Variants in UBXN11 observed in about 807,000 individuals in gnomAD.
The protein encoded by UBXN11 is UBX domain-containing protein 11.
Under a neutral mutation model 62.8 loss-of-function variants are expected in UBXN11, and 47 were observed. That is an observed-to-expected ratio of 0.75 (90% CI 0.59 to 0.95). The LOEUF (loss-of-function observed/expected upper bound fraction) is 0.95. Among genes scored for constraint, UBXN11 ranks in the 40% least tolerant of loss-of-function variants. The pLI is 0.00. For missense variants in UBXN11, 638 were observed against 661.7 expected, an observed-to-expected ratio of 0.96 and a Z score of 0.39; for synonymous variants, 294 against 267.0, an observed-to-expected ratio of 1.10 and a Z score of -0.99.
intron 3 of UBXN11, 139 bp downstream of exon 3, chr1:26,301,555 G>T: frequency 8.2e-7 from 1 of 1,214,562 alleles, no homozygotes; most frequent in Non-Finnish European, 1.1e-6. Context: ...AGGACAGCAT[G>T]GGAGCTGCAC....
At chr1:26,302,749 C>T (rs2073569589) in intron 2 of UBXN11, 64 bp downstream of exon 2, 1 of 1,547,794 alleles carries the variant, frequency 6.5e-7, no homozygotes, top group Non-Finnish European at 8.9e-7. Context: ...TGTCCTCTGG[C>T]CATGGAAGGA....
chr1:26,310,435 G>A (rs1343551588), upstream of UBXN11, among the ~76,000 whole-genome samples: 2 of 151,974 alleles, frequency 1.3e-5, no homozygotes, highest in Non-Finnish European at 2.9e-5. Flanking sequence ...CTACTTTGGA[G>A]GCTAAAGCAG....
At chr1:26,315,077 T>C (rs1261542959) in intron 1 of UBXN11, among the ~76,000 whole-genome samples, 2 of 151,896 alleles carry the variant, frequency 1.3e-5, no homozygotes, top group Non-Finnish European at 2.9e-5. Flanking sequence ...GGCAAGAACC[T>C]GACTCGAGGG....
intron 10 of UBXN11, 108 bp from the exon 11 acceptor site, chr1:26,284,590 A>C: frequency 7.0e-7 from 1 of 1,424,566 alleles, no homozygotes; most frequent in Non-Finnish European, 9.2e-7. Flanking sequence ...GTCTAATGCA[A>C]CCCCCATTTT....
rs2073122843 is a variant in UBXN11 at position 26,285,946 on chromosome 1, T to C, written c.651A>G (p.Gln217=). 1 of 1,613,468 alleles carries C rather than the reference T, an allele frequency of 6.2e-7. No individual in the cohort carries two copies. The highest frequency in any genetic ancestry group is 8.5e-7 in the Non-Finnish European group (1 of 1,179,634). The change falls in exon 9 of 15, where the codon CAA becomes CAG. Residue 217 remains glutamine, a synonymous_variant. Coordinates refer to ENST00000374222, the MANE Select transcript of UBXN11 (RefSeq NM_001389556.1). ...GTGCCCCGCCGGGCACTGGTGTCACTTGGGTGTCACCCTCTACCACCAGCT... is the reference window on the plus strand; with the variant it reads ...GTGCCCCGCCGGGCACTGGTGTCACCTGGGTGTCACCCTCTACCACCAGCT... ...LSELVVEGDT[Q]VTPVPGGARL...
chr1:26,311,683 C>T (rs957965827), intron 1 of UBXN11, among the ~76,000 whole-genome samples: 19 of 152,296 alleles, frequency 1.2e-4, no homozygotes, highest in African/African-American at 3.8e-4. Flanking sequence ...CCTCGTGATC[C>T]GCCCGCCTCG....
intron 1 of UBXN11, chr1:26,317,964 C>T: frequency 5.9e-6 from 9 of 1,532,198 alleles, no homozygotes; most frequent in Non-Finnish European, 8.1e-6. Context: ...CTCCAGACAG[C>T]CCTGAGATCA....
intron 1 of UBXN11, among the ~76,000 whole-genome samples, chr1:26,303,450 C>G (rs2073587269): frequency 6.6e-6 from 1 of 151,860 alleles, no homozygotes; most frequent in African/African-American, 2.4e-5. Flanking sequence ...ATGGTGAAAC[C>G]CTGTCTCTAC....
chr1:26,294,197 T>G lies in UBXN11; in HGVS notation c.559+8A>C. 2 of 1,613,804 alleles carry G rather than the reference T, an allele frequency of 1.2e-6. No individual in the cohort carries two copies. The highest frequency in any genetic ancestry group is 2.2e-5 in the South Asian group (2 of 91,080). ...TGAAGAGGGCCTGGGGCAGACGCCC[T>G]GCTCTACCTGGCTTCCAGAACTTCT... is the stretch of plus-strand genomic sequence containing the variant. On this transcript the variant is annotated splice_region_variant and intron_variant, in intron 8 of 14. Coordinates refer to ENST00000374222, the MANE Select transcript of UBXN11 (RefSeq NM_001389556.1).
intron 10 of UBXN11, chr1:26,285,117 C>T (rs1437013245): frequency 8.4e-6 from 9 of 1,074,144 alleles, no homozygotes; most frequent in Non-Finnish European, 1.0e-5. Context: ...GCACTGCCTC[C>T]CACCCTACCC....
chr1:26,297,544 A>G, intron 5 of UBXN11, 63 bp from the exon 6 acceptor site: 1 of 1,479,208 alleles, frequency 6.8e-7, no homozygotes, highest in Non-Finnish European at 9.0e-7. Flanking sequence ...CCCAGACAGG[A>G]AGCTCCAGAG....
At chr1:26,315,737 G>A (rs1197359547) in intron 1 of UBXN11, among the ~76,000 whole-genome samples, 1 of 152,140 alleles carries the variant, frequency 6.6e-6, no homozygotes, top group Non-Finnish European at 1.5e-5. Flanking sequence ...TCGGCTCACT[G>A]CAACCTCCTT....
Position 26,284,223 on chromosome 1 carries a change from T to C in UBXN11, c.996A>G (p.Lys332=). Residue 332 remains lysine, a synonymous_variant, in exon 12 of 15, where the codon AAA becomes AAG. Transcript: ENST00000374222. ...CAAACTTGGGGAGCCTGTTCAGAAA[T>C]TTCTCAGCAGTCATCCTGGAGCCTA... ...EHPGSRMTAE[K]FLNRLPKFVI... The C allele has an allele frequency of 6.2e-7, 1 of 1,612,642 alleles. No individual in the cohort carries two copies. Among genetic ancestry groups the C allele is most frequent in the Non-Finnish European group, 8.5e-7 (1 of 1,179,270 alleles).
chr1:26,292,522 T>G (rs967024933), intron 8 of UBXN11, among the ~76,000 whole-genome samples: 3 of 149,636 alleles, frequency 2.0e-5, no homozygotes, highest in Admixed American at 2.0e-4. Flanking sequence ...CCTCAAAAAA[T>G]AAAAAGAAAA....
rs1290292302 is a variant in UBXN11 at position 26,282,645 on chromosome 1, C to T, written c.1292+4G>A. 6 of 1,613,840 alleles carry T rather than the reference C, an allele frequency of 3.7e-6. No homozygotes were observed. The highest frequency in any genetic ancestry group is 1.7e-5 in the Admixed American group (1 of 60,014). On this transcript the variant is annotated splice_donor_region_variant and intron_variant, in intron 14 of 14. Transcript: ENST00000374222. ...CTGTGGCCCTGGCCCTGCCCTGCAC[C>T]CACCTGGCCTGCGCTAGCAGAGCTC...
chr1:26,287,995 C>T (rs1022794151), intron 8 of UBXN11, among the ~76,000 whole-genome samples: 7 of 151,546 alleles, frequency 4.6e-5, no homozygotes, highest in African/African-American at 1.5e-4. Flanking sequence ...CGTGACCTCC[C>T]GGGTTCAACT....
chr1:26,296,930 T>C lies in UBXN11; in HGVS notation c.421A>G (p.Arg141Gly), dbSNP rs1046438827. Residue 141 changes from arginine to glycine, a missense_variant, in exon 7 of 15, where the codon AGG becomes GGG. By Grantham distance (125) the Arg-to-Gly change is moderately radical. Transcript: ENST00000374222. Reference protein sequence around the residue: ...TMCVQLQRQVREMERFLSDYG... With the variant: ...TMCVQLQRQVGEMERFLSDYG... ...CCCAGCTCTCTCACCTCCATCTCCC[T>C]GACCTGCCGCTGCAGCTGCACACAC... 3 of 1,604,366 alleles carry C rather than the reference T, an allele frequency of 1.9e-6. No homozygotes were observed. Among genetic ancestry groups the C allele is most frequent in the Non-Finnish European group, 2.6e-6 (3 of 1,175,308 alleles).
At position 26,302,829 on chromosome 1, in the gene UBXN11, C is replaced by A. The variant is rs767971948; in HGVS notation, c.55G>T (p.Glu19Ter). Residue 19 changes from glutamate to a stop codon, truncating the protein, a stop_gained, in exon 2 of 15, where the codon GAG becomes TAG. Transcript: ENST00000374222. LOFTEE classifies it high-confidence loss of function. ...GCTCCTTACCCAGGATTCATAGGCT[C>A]CGAGGGCAGGGGCACTTTTCGGGTC... Reference protein sequence around the residue: ...SKTRKVPLPSEPMNPGRRGIR... With the variant: ...SKTRKVPLPS 6.2e-7 allele frequency: 1 copy of A among 1,613,776 alleles called. No homozygotes were observed. The highest frequency in any genetic ancestry group is 1.1e-5 in the South Asian group (1 of 91,058).
At chr1:26,302,747 G>C in intron 2 of UBXN11, 66 bp downstream of exon 2, 2 of 1,539,320 alleles carry the variant, frequency 1.3e-6, no homozygotes, top group Non-Finnish European at 1.8e-6. Context: ...ACTGTCCTCT[G>C]GCCATGGAAG....
Sources: gnomAD v4.1 joint callset for allele counts (sites outside exome capture counted in the v4.1 genomes callset) on GRCh38, gnomAD v4.1.1 for gene constraint, MANE v1.5 for transcripts, NCBI Gene and HGNC (gene_info 2026-07-23, HGNC 2026-07-21) for gene names.